Variants in SBK3 observed in about 807,000 individuals in gnomAD.
SBK3 encodes SH3 domain binding kinase family member 3.
SBK3 carries 16 observed loss-of-function variants against 12.7 expected under a neutral mutation model. The ratio of observed to expected loss-of-function variants is 1.26; its 90% CI spans 0.86 to 1.92. The LOEUF is 1.92. SBK3 is among the 40% of genes most tolerant of loss of function. SBK3 has a pLI of 0.00. For missense variants in SBK3, 462 were observed against 481.8 expected (o/e 0.96, Z 0.38); for synonymous variants, 217 against 213.6 (o/e 1.02, Z -0.14).
intron 2 of SBK3, 69 bp from the exon 3 acceptor site, chr19:55,544,371 G>A (rs917801420): frequency 2.9e-5 from 36 of 1,233,356 alleles, no homozygotes; most frequent in Middle Eastern, 2.4e-4. Flanking sequence ...GAGGGAAGCC[G>A]TGTAAACTCT....
intron 3 of SBK3, among the ~76,000 whole-genome samples, chr19:55,543,747 A>C (rs1472339521): frequency 6.6e-6 from 1 of 151,726 alleles, no homozygotes; most frequent in Non-Finnish European, 1.5e-5. Context: ...TCTATAATCA[A>C]CTCTAAACTC....
At position 55,544,320 on chromosome 19, in the gene SBK3, C is replaced by A; in HGVS notation, c.197-18G>T. 2 of 1,530,612 alleles carry A rather than the reference C, an allele frequency of 1.3e-6. No individual in the cohort carries two copies. The highest frequency in any genetic ancestry group is 1.7e-6 in the Non-Finnish European group (2 of 1,143,116). 94.8% of individuals were successfully genotyped at this position (1,530,612 alleles called of 1,614,324 possible). On this transcript the variant is annotated intron_variant, in intron 2 of 3. Transcript: ENST00000612221. ...AGCTGGACCTGCCAGGGAGATGGGT[C>A]GGAGGGACACTCAGGCGGCTCCAGT...
intron 2 of SBK3, 148 bp downstream of exon 2, chr19:55,544,651 G>A (rs942913499): frequency 3.6e-6 from 3 of 824,552 alleles, no homozygotes; most frequent in Non-Finnish European, 5.5e-6. Flanking sequence ...GTGTTTCTCA[G>A]AAGATCCCAG....
chr19:55,542,505 ATCCT>A (rs1988575178), intron 3 of SBK3, among the ~76,000 whole-genome samples: 3 of 138,744 alleles, frequency 2.2e-5, no homozygotes, highest in Admixed American at 2.2e-4. Context: ...CCACCCACCA[ATCCT>A]TCCTTCCATC....
rs1988566149 is a variant in SBK3 at position 55,541,908 on chromosome 19, G to C, written c.400-382C>G. Among the ~76,000 whole-genome samples, 6 of 152,168 alleles carry C rather than the reference G, an allele frequency of 3.9e-5. No homozygotes were observed. The highest frequency in any genetic ancestry group is 3.9e-4 in the Admixed American group (6 of 15,278). ...CCCAGTTTTCCCCACTGGAACCCCA[G>C]TTATAACCAGTAGCTCCTTCTTTTA... On this transcript the variant is annotated intron_variant, in intron 3 of 3. Coordinates refer to ENST00000612221, the MANE Select transcript of SBK3 (RefSeq NM_001199824.2). The surrounding 1 kb of genome is among the most constrained non-coding windows in gnomAD (Gnocchi z 5.3).
Position 55,545,384 on chromosome 19 carries a change from A to G in SBK3, c.45+115T>C. On this transcript the variant is annotated intron_variant, in intron 1 of 3. Transcript: ENST00000612221. This position sits in a 1 kb window ranked among gnomAD's most constrained non-coding sequence, Gnocchi z 4.4. ...CTCTCTCCCTGGGTCTGGGTCTCTGAGGTCTTTGCGTTTCCCTGTTTTCTG... is the reference window on the plus strand; with the variant it reads ...CTCTCTCCCTGGGTCTGGGTCTCTGGGGTCTTTGCGTTTCCCTGTTTTCTG... 1 of 832,684 alleles carries G rather than the reference A, an allele frequency of 1.2e-6. No homozygotes were observed. Among genetic ancestry groups the G allele is most frequent in the East Asian group, 2.7e-5 (1 of 37,114 alleles). 51.6% of individuals were successfully genotyped at this position (832,684 alleles called of 1,614,324 possible).
At position 55,542,494 on chromosome 19, in the gene SBK3, T is replaced by TCCAC. The variant is rs572662688; in HGVS notation, c.400-972_400-969dup. Among the ~76,000 whole-genome samples, 332 of 139,668 alleles carry TCCAC rather than the reference T, an allele frequency of 2.4e-3. 13 individuals carry two copies. Among genetic ancestry groups the TCCAC allele is most frequent in the African/African-American group, 8.1e-3 (302 of 37,382 alleles). 91.6% of individuals were successfully genotyped at this position (139,668 alleles called of 152,430 possible). A position where few individuals can be genotyped will look rare whatever the true frequency, so the allele number is the denominator to read the frequency against. The stretch of plus-strand genomic sequence containing the variant: ...ATCCATCCATCCATCCATCCATCCA[T>TCCAC]CCACCCACCAATCCTTCCTTCCATC... On this transcript the variant is annotated intron_variant, in intron 3 of 3. Transcript: ENST00000612221.
Position 55,541,340 on chromosome 19 carries a change from C to A in SBK3, c.586G>T (p.Ala196Ser), listed in dbSNP as rs756685916. Residue 196 changes from alanine (A) to serine (S), a missense_variant, in exon 4 of 4, where the codon GCC becomes TCC. Ala to Ser is a moderately conservative substitution (Grantham distance 99, BLOSUM62 1). Coordinates refer to ENST00000612221, the MANE Select transcript of SBK3 (RefSeq NM_001199824.2). The surrounding 1 kb of genome is among the most constrained non-coding windows in gnomAD (Gnocchi z 5.3). ...LTRPEGSPTP[A>S]PPVPLPTAPP... is the part of the protein sequence containing the mutation. ...GCCGTGGGCAGAGGCACTGGTGGGG[C>A]GGGGGTCGGGCTGCCCTCTGGCCGG... 6 of 1,534,898 alleles carry A rather than the reference C, an allele frequency of 3.9e-6. No homozygotes were observed. In the South Asian group the frequency reaches 7.1e-5, roughly 18 times the overall value.
rs1286561190 is a variant in SBK3, at chr19:55,545,053, G to T, written c.46-104C>A. 7 of 852,542 alleles carry T rather than the reference G, an allele frequency of 8.2e-6. No homozygotes were observed. The highest frequency in any genetic ancestry group is 1.1e-5 in the Non-Finnish European group (6 of 566,134). The allele number at this position is 852,542 out of a possible 1,614,324, so 52.8% of individuals were successfully genotyped here. On this transcript the variant is annotated intron_variant, in intron 1 of 3. Coordinates refer to ENST00000612221, the MANE Select transcript of SBK3 (RefSeq NM_001199824.2). The surrounding 1 kb of genome is among the most constrained non-coding windows in gnomAD (Gnocchi z 4.4). Reference sequence around the variant, plus strand: ...CCCCAGGATGGAGGGTGGGGCAGGGGACAGGGGTCACTGTCCCCAGAGAGG... The same window carrying T: ...CCCCAGGATGGAGGGTGGGGCAGGGTACAGGGGTCACTGTCCCCAGAGAGG...
In SBK3 at chr19:55,545,480, C is replaced by T. The variant is rs1422709440; in HGVS notation, c.45+19G>A. 1 of 1,523,600 alleles carries T rather than the reference C, an allele frequency of 6.6e-7. No homozygotes were observed. The highest frequency in any genetic ancestry group is 2.5e-5 in the East Asian group (1 of 40,754). 94.4% of individuals were successfully genotyped at this position (1,523,600 alleles called of 1,614,324 possible). On this transcript the variant is annotated intron_variant, in intron 1 of 3. Transcript: ENST00000612221. The surrounding 1 kb of genome is among the most constrained non-coding windows in gnomAD (Gnocchi z 4.4). Reference sequence around the variant, plus strand: ...TTCTTTTCTCTCTCTGTCTTCCTCCCCTGGCTCCCGTCTCTCACCTCTGGG... The same window carrying T: ...TTCTTTTCTCTCTCTGTCTTCCTCCTCTGGCTCCCGTCTCTCACCTCTGGG...
chr19:55,544,297 C>T lies in SBK3; in HGVS notation c.202G>A (p.Ala68Thr), dbSNP rs985469994. 2.6e-6 allele frequency: 4 copies of T among 1,535,514 alleles called. No homozygotes were observed. The highest frequency in any genetic ancestry group is 3.5e-6 in the Non-Finnish European group (4 of 1,146,552). The change falls in exon 3 of 4, where the codon GCT (alanine) becomes ACT (threonine). Residue 68 changes from alanine (A) to threonine (T), a missense_variant. Ala to Thr is a moderately conservative substitution (Grantham distance 58). Coordinates refer to ENST00000612221, the MANE Select transcript of SBK3 (RefSeq NM_001199824.2). ...LLAQPHQGGP[A>T]VALKLLRRDL... ...CGACGCAGGAGCTTCAGAGCCACAGCTGGACCTGCCAGGGAGATGGGTCGG... is the reference window on the plus strand; with the variant it reads ...CGACGCAGGAGCTTCAGAGCCACAGTTGGACCTGCCAGGGAGATGGGTCGG...
intron 3 of SBK3, among the ~76,000 whole-genome samples, chr19:55,543,380 C>A (rs748970963): frequency 5.7e-5 from 8 of 141,238 alleles, no homozygotes; most frequent in Non-Finnish European, 1.2e-4. Flanking sequence ...ATCTACCAGT[C>A]CTTCCTTCCA....
At position 55,540,856 on chromosome 19, in the gene SBK3, C is replaced by T. The variant is rs1472886163; in HGVS notation, c.1070G>A (p.Gly357Glu). 1 of 1,535,922 alleles carries T rather than the reference C, an allele frequency of 6.5e-7. No individual in the cohort carries two copies. The highest frequency in any genetic ancestry group is 1.4e-5 in the African/African-American group (1 of 73,030). ...KSGGRTGTDG[G>E]AP The stretch of plus-strand genomic sequence containing the variant: ...GTCTCTGTCACCTGGTCAGGGAGCT[C>T]CCCCATCTGTCCCCGTCCTCCCACC... Residue 357 changes from glycine to glutamate, a missense_variant, in exon 4 of 4, where the codon GGA becomes GAA. Coordinates refer to ENST00000612221, the MANE Select transcript of SBK3 (RefSeq NM_001199824.2).
Position 55,540,787 on chromosome 19 carries a change from C to T in SBK3, c.*59G>A, listed in dbSNP as rs767004970. ...CAGCTGTCTCTCCATCCAGGTGGCC[C>T]TGGGGGCTGGGGGAAGGGCCTCTGG... is the stretch of plus-strand genomic sequence containing the variant. On this transcript the variant is annotated 3_prime_UTR_variant, in exon 4 of 4. Transcript: ENST00000612221. 34 of 1,449,866 alleles carry T rather than the reference C, an allele frequency of 2.3e-5. No homozygotes were observed. In the South Asian group the frequency reaches 4.0e-4, roughly 17 times the overall value. The allele number at this position is 1,449,866 out of a possible 1,614,324, so 89.8% of individuals were successfully genotyped here. A position where few individuals can be genotyped will look rare whatever the true frequency, so the allele number is the denominator to read the frequency against.
In SBK3 at chr19:55,544,923, C is replaced by G. The variant is rs148710691; in HGVS notation, c.72G>C (p.Arg24=). The part of the protein sequence containing the change: ...PEEDTATALQ[R]LVELTTSRVT... ...CCCTGCTGGTCGTCAGCTCCACCAG[C>G]CGTTGGAGGGCTGTGGCTGTGTCCT... Residue 24 remains arginine (R), a synonymous_variant, in exon 2 of 4, where the codon CGG becomes CGC. Coordinates refer to ENST00000612221, the MANE Select transcript of SBK3 (RefSeq NM_001199824.2). 2 of 1,533,822 alleles carry G rather than the reference C, an allele frequency of 1.3e-6. No individual in the cohort carries two copies. The highest frequency in any genetic ancestry group is 1.9e-4 in the Middle Eastern group (1 of 5,184).
Position 55,541,314 on chromosome 19 carries a change from T to A in SBK3, c.612A>T (p.Ala204=). ...TPAPPVPLPT[A]PPELCLLLPP... ...GTAGCAGGAGACAGAGCTCAGGCGGTGCCGTGGGCAGAGGCACTGGTGGGG... is the reference window on the plus strand; with the variant it reads ...GTAGCAGGAGACAGAGCTCAGGCGGAGCCGTGGGCAGAGGCACTGGTGGGG... The change falls in exon 4 of 4, where the codon GCA becomes GCT. Residue 204 remains alanine, a synonymous_variant. Coordinates refer to ENST00000612221, the MANE Select transcript of SBK3 (RefSeq NM_001199824.2). The surrounding 1 kb of genome is among the most constrained non-coding windows in gnomAD (Gnocchi z 5.3). 2.0e-6 allele frequency: 3 copies of A among 1,535,286 alleles called. No individual in the cohort carries two copies. Among genetic ancestry groups the A allele is most frequent in the Non-Finnish European group, 2.6e-6 (3 of 1,146,516 alleles).
At chr19:55,542,876 C>CACCCA (rs1568496406) in intron 3 of SBK3, among the ~76,000 whole-genome samples, 148 of 150,766 alleles carry the variant, frequency 9.8e-4, no homozygotes, top group African/African-American at 3.4e-3. Flanking sequence ...ATCCATCCAT[C>CACCCA]CACCCACCAA....
Position 55,541,477 on chromosome 19 carries a change from G to A in SBK3, c.449C>T (p.Ala150Val). Residue 150 changes from alanine (A) to valine (V), a missense_variant, in exon 4 of 4, where the codon GCT becomes GTT. Coordinates refer to ENST00000612221, the MANE Select transcript of SBK3 (RefSeq NM_001199824.2). This position sits in a 1 kb window ranked among gnomAD's most constrained non-coding sequence, Gnocchi z 5.3. ...VKRVVAQLAGALDFLHSRGLV... is the reference protein window; with the variant it reads ...VKRVVAQLAGVLDFLHSRGLV... Reference sequence around the variant, plus strand: ...CCCCCGGCTGTGGAGGAAGTCCAGAGCTCCTGCCAACTGGGCCACCACCCG... The same window carrying A: ...CCCCCGGCTGTGGAGGAAGTCCAGAACTCCTGCCAACTGGGCCACCACCCG... 1 of 1,529,930 alleles carries A rather than the reference G, an allele frequency of 6.5e-7. No homozygotes were observed. The highest frequency in any genetic ancestry group is 8.8e-7 in the Non-Finnish European group (1 of 1,142,414). 94.8% of individuals were successfully genotyped at this position (1,529,930 alleles called of 1,614,324 possible).
At position 55,541,556 on chromosome 19, in the gene SBK3, G is replaced by C; in HGVS notation, c.400-30C>G. ...GGTCAAGAAGACAGGAGGAGGGTCA[G>C]AGTGTCTTGGTTTTGTCTTTTTTAT... On this transcript the variant is annotated intron_variant, in intron 3 of 3. Transcript: ENST00000612221. The surrounding 1 kb of genome is among the most constrained non-coding windows in gnomAD (Gnocchi z 5.3). The C allele has an allele frequency of 6.8e-7, 1 of 1,461,280 alleles. No individual in the cohort carries two copies. Among genetic ancestry groups the C allele is most frequent in the Non-Finnish European group, 9.1e-7 (1 of 1,101,520 alleles). 90.5% of individuals were successfully genotyped at this position (1,461,280 alleles called of 1,614,324 possible).
Sources: gnomAD v4.1 joint callset for allele counts (sites outside exome capture counted in the v4.1 genomes callset) on GRCh38, gnomAD v4.1.1 for gene constraint, Gnocchi (gnomAD v3.1) non-coding constraint, MANE v1.5 for transcripts, NCBI Gene and HGNC (gene_info 2026-07-23, HGNC 2026-07-21) for gene names.